NCBP2L: variants seen among roughly 807,000 people sequenced by gnomAD.
NCBP2L encodes nuclear cap-binding protein subunit 2-like.
For missense variants in NCBP2L, 95 were observed against 53.1 expected, an observed-to-expected ratio of 1.79 and a Z score of -2.45; for synonymous variants, 39 against 19.2, an observed-to-expected ratio of 2.04 and a Z score of -2.70.
At chrX:107,785,696 A>G (rs1930387831) in intron 1 of NCBP2L, among the ~76,000 whole-genome samples, 1 of 111,687 alleles carries the variant, frequency 9.0e-6, no homozygotes, top group Admixed American at 9.6e-5. Context: ...TTTTGTAAGG[A>G]AAAACTGTGT....
intron 1 of NCBP2L, among the ~76,000 whole-genome samples, chrX:107,785,094 G>GA (rs1358573557): frequency 9.0e-6 from 1 of 110,846 alleles, no homozygotes; most frequent in Non-Finnish European, 1.9e-5. Context: ...GAAAGAAAGA[G>GA]AAAAAAATAA....
chrX:107,790,447 A>G (rs1484524924), intron 1 of NCBP2L, among the ~76,000 whole-genome samples: 1 of 110,813 alleles, frequency 9.0e-6, no homozygotes, highest in Non-Finnish European at 1.9e-5. Flanking sequence ...CCCACTGCTT[A>G]CTGGTACAGT....
At chrX:107,790,298 C>G (rs1488183453) in intron 1 of NCBP2L, among the ~76,000 whole-genome samples, 1 of 111,833 alleles carries the variant, frequency 8.9e-6, no homozygotes, top group Non-Finnish European at 1.9e-5. Flanking sequence ...GTTTTTTAAC[C>G]ATTCAAATAG....
chrX:107,791,005 A>G (rs1438144523), intron 1 of NCBP2L, among the ~76,000 whole-genome samples: 2 of 111,392 alleles, frequency 1.8e-5, no homozygotes, highest in African/African-American at 6.5e-5. Context: ...TAAGTTGTCC[A>G]TCTCCCCAGA....
intron 1 of NCBP2L, among the ~76,000 whole-genome samples, chrX:107,778,465 C>T (rs1003514705): frequency 8.9e-6 from 1 of 112,538 alleles, no homozygotes; most frequent in Non-Finnish European, 1.9e-5. Context: ...TATAAAAAAA[C>T]TACATAGTTC....
In NCBP2L at chrX:107,785,314, T is replaced by C. The variant is rs371861352; in HGVS notation, c.-73+7456T>C. Among the ~76,000 whole-genome samples the C allele has an allele frequency of 9.0e-5, 10 of 111,599 alleles. No individual in the cohort carries two copies. The East Asian group carries it at 1.7e-3, about 19-fold the overall frequency. ...AGGAGGGTAGAGTGTATGTAGATTA[T>C]AAATATGTTCCTCAGTCCAACCCCA... On this transcript the variant is annotated intron_variant, in intron 1 of 1. Coordinates refer to ENST00000509000, the MANE Select transcript of NCBP2L (RefSeq NM_001348372.2).
intron 1 of NCBP2L, among the ~76,000 whole-genome samples, chrX:107,781,676 A>ATCTATCTATCTCTCTCTC (rs1380779020): frequency 7.2e-5 from 4 of 55,885 alleles, no homozygotes; most frequent in African/African-American, 4.5e-4. Context: ...CTATCTATCT[A>ATCTATCTATCTCTCTCTC]TCTCTCTCTC....
Sources: gnomAD v4.1 joint callset for allele counts (sites outside exome capture counted in the v4.1 genomes callset) on GRCh38, gnomAD v4.1.1 for gene constraint, MANE v1.5 for transcripts, NCBI Gene and HGNC (gene_info 2026-07-23, HGNC 2026-07-21) for gene names.